RHOU: variants seen among roughly 807,000 people sequenced by gnomAD.
The protein encoded by RHOU is rho-related GTP-binding protein RhoU.
RHOU carries 8 observed loss-of-function variants against 12.6 expected under a neutral mutation model. The ratio of observed to expected loss-of-function variants is 0.64; its 90% CI spans 0.37 to 1.15. The LOEUF (loss-of-function observed/expected upper bound fraction) is 1.15, where lower values mean the gene tolerates loss of function less well. Among genes scored for constraint, RHOU ranks in the 50% most tolerant of loss-of-function variants. The probability of loss-of-function intolerance (pLI) is 0.01; values close to 1 mark genes in which losing one functional copy is unlikely to be tolerated. For synonymous variants in RHOU, 161 were observed against 147.4 expected (o/e 1.09, Z -0.67); for missense variants, 258 against 347.0 (o/e 0.74, Z 2.04).
At chr1:228,733,852 C>T (rs961426034), upstream of RHOU, among the ~76,000 whole-genome samples, 1 of 152,230 alleles carries the variant, frequency 6.6e-6, no homozygotes, top group Non-Finnish European at 1.5e-5. Context: ...CCTGTCATCA[C>T]AGCCAGGGCG....
chr1:228,666,253 C>T, the RHOU span, among the ~76,000 whole-genome samples: 1 of 152,126 alleles, frequency 6.6e-6, no homozygotes, highest in Non-Finnish European at 1.5e-5. Flanking sequence ...AGCCACCGTG[C>T]CTGGTCTAAG....
At chr1:228,733,779 C>G (rs540544229), upstream of RHOU, among the ~76,000 whole-genome samples, 295 of 152,290 alleles carry the variant, frequency 1.9e-3, 1 homozygote, top group Middle Eastern at 0.024. Flanking sequence ...GTAGCCATTC[C>G]TATACCTGGA....
chr1:228,739,036 G>T (rs183380818), intron 2 of RHOU, among the ~76,000 whole-genome samples: 1 of 152,054 alleles, frequency 6.6e-6, no homozygotes. Flanking sequence ...TGAGAGGATC[G>T]CTTGAACCCA....
upstream of RHOU, among the ~76,000 whole-genome samples, chr1:228,732,195 C>T (rs1662511947): frequency 6.6e-6 from 1 of 152,146 alleles, no homozygotes; most frequent in African/African-American, 2.4e-5. Context: ...TTATTAAGCA[C>T]CTACTACTTG....
chr1:228,743,783 A>C lies in RHOU; in HGVS notation c.*43A>C. 1 of 1,543,788 alleles carries C rather than the reference A, an allele frequency of 6.5e-7. No homozygotes were observed. Among genetic ancestry groups the C allele is most frequent in the Non-Finnish European group, 8.8e-7 (1 of 1,133,814 alleles). Reference sequence around the variant, plus strand: ...GAAAGGCTATTTTCAGATGAAATCGATATTAGAAGCTATATTAGCTGAAAC... The same window carrying C: ...GAAAGGCTATTTTCAGATGAAATCGCTATTAGAAGCTATATTAGCTGAAAC... On this transcript the variant is annotated 3_prime_UTR_variant, in exon 3 of 3. Transcript: ENST00000366691. The surrounding 1 kb of genome is among the most constrained non-coding windows in gnomAD (Gnocchi z 5.1).
intron 2 of RHOU, among the ~76,000 whole-genome samples, chr1:228,742,047 G>A (rs971016878): frequency 1.3e-5 from 2 of 152,214 alleles, no homozygotes; most frequent in Non-Finnish European, 2.9e-5. Context: ...ATGGTACTTG[G>A]TAAATAATCG....
chr1:228,681,407 G>A, the RHOU span, among the ~76,000 whole-genome samples: 1 of 152,054 alleles, frequency 6.6e-6, no homozygotes, highest in Admixed American at 6.6e-5. Flanking sequence ...GAGGAGGTGA[G>A]GGGTCAGATG....
the RHOU span, among the ~76,000 whole-genome samples, chr1:228,726,231 GA>G: frequency 1.3e-5 from 2 of 152,186 alleles, no homozygotes; most frequent in African/African-American, 4.8e-5. Context: ...CTGAATCAGT[GA>G]TCAAGGGTGC....
chr1:228,649,673 T>C, the RHOU span, among the ~76,000 whole-genome samples: 1 of 152,274 alleles, frequency 6.6e-6, no homozygotes, highest in African/African-American at 2.4e-5. Flanking sequence ...GATCACATCC[T>C]AAATTGTCTT....
At chr1:228,668,242 C>A in the RHOU span, among the ~76,000 whole-genome samples, 1 of 152,188 alleles carries the variant, frequency 6.6e-6, no homozygotes, top group Non-Finnish European at 1.5e-5. Flanking sequence ...GCTGTATATA[C>A]CTTTGCACAT....
At chr1:228,647,259 C>G in the RHOU span, among the ~76,000 whole-genome samples, 1 of 152,188 alleles carries the variant, frequency 6.6e-6, no homozygotes, top group Non-Finnish European at 1.5e-5. Flanking sequence ...AGGCTCCATT[C>G]TTTCTTGGCA....
chr1:228,724,816 T>C, the RHOU span, among the ~76,000 whole-genome samples: 3 of 152,192 alleles, frequency 2.0e-5, no homozygotes, highest in Admixed American at 6.5e-5. Context: ...AGGTTTTCCT[T>C]ATGCTAAATA....
chr1:228,675,167 A>C, the RHOU span, among the ~76,000 whole-genome samples: 1 of 152,226 alleles, frequency 6.6e-6, no homozygotes, highest in Non-Finnish European at 1.5e-5. Context: ...AAATTGAAGC[A>C]GCACTGTTTC....
At chr1:228,682,039 C>A in the RHOU span, among the ~76,000 whole-genome samples, 7 of 152,112 alleles carry the variant, frequency 4.6e-5, no homozygotes, top group Non-Finnish European at 1.5e-5. Context: ...TGATTAAACA[C>A]CAAGGGTAGG....
the RHOU span, among the ~76,000 whole-genome samples, chr1:228,687,226 C>T: frequency 1.3e-5 from 2 of 152,156 alleles, no homozygotes; most frequent in Admixed American, 1.3e-4. Flanking sequence ...GAGTGCTCAC[C>T]CACCTCAGCG....
rs776188242 is a variant in RHOU at position 228,738,433 on chromosome 1, G to A, written c.321+702G>A. Among the ~76,000 whole-genome samples the A allele has an allele frequency of 6.6e-6, 1 of 152,192 alleles. No homozygotes were observed. Among genetic ancestry groups the A allele is most frequent in the Non-Finnish European group, 1.5e-5 (1 of 68,048 alleles). ...ACTCGAGTCATTGAAGTCAGGCTGT[G>A]CCTTGTGAACACCCAGGGGTACTTG... On this transcript the variant is annotated intron_variant, in intron 2 of 2. Transcript: ENST00000366691. The surrounding 1 kb of genome is among the most constrained non-coding windows in gnomAD (Gnocchi z 4.2).
the RHOU span, among the ~76,000 whole-genome samples, chr1:228,673,689 GTAAGTTTCCTGAGGC>G: frequency 6.6e-6 from 1 of 152,260 alleles, no homozygotes; most frequent in African/African-American, 2.4e-5. Context: ...CCGCCATAAT[GTAAGTTTCCTGAGGC>G]CTTCTCAGTC....
chr1:228,726,193 C>T, the RHOU span, among the ~76,000 whole-genome samples: 3 of 152,168 alleles, frequency 2.0e-5, no homozygotes, highest in Non-Finnish European at 4.4e-5. Flanking sequence ...CCGGTCCGTA[C>T]GTACTCATGT....
the RHOU span, among the ~76,000 whole-genome samples, chr1:228,715,490 T>C: frequency 1.3e-5 from 2 of 152,160 alleles, no homozygotes; most frequent in Non-Finnish European, 2.9e-5. Flanking sequence ...TGATGGAATA[T>C]TTGGTAATAT....
Sources: gnomAD v4.1 joint callset for allele counts (sites outside exome capture counted in the v4.1 genomes callset) on GRCh38, gnomAD v4.1.1 for gene constraint, Gnocchi (gnomAD v3.1) non-coding constraint, MANE v1.5 for transcripts, NCBI Gene and HGNC (gene_info 2026-07-23, HGNC 2026-07-21) for gene names.